PDK3: variants seen among roughly 807,000 people sequenced by gnomAD.
PDK3 encodes pyruvate dehydrogenase kinase, isozyme 3.
Under a neutral mutation model 32.0 loss-of-function variants are expected in PDK3, and 12 were observed. The ratio of observed to expected loss-of-function variants is 0.37; its 90% CI spans 0.24 to 0.61. The LOEUF (loss-of-function observed/expected upper bound fraction) is 0.61. Ranked by LOEUF, PDK3 falls within the 20% of genes least tolerant of loss-of-function variation. PDK3 has a pLI of 0.65. For synonymous variants in PDK3, 122 were observed against 116.3 expected, an observed-to-expected ratio of 1.05 and a Z score of -0.31; for missense variants, 188 against 316.9, an observed-to-expected ratio of 0.59 and a Z score of 3.09.
At position 24,498,870 on chromosome X, in the gene PDK3, A is replaced by T; in HGVS notation, c.290A>T (p.Lys97Met). 8.7e-7 allele frequency: 1 copy of T among 1,151,084 alleles called. No individual in the cohort carries two copies. Among genetic ancestry groups the T allele is most frequent in the African/African-American group, 1.8e-5 (1 of 55,153 alleles). 94.9% of individuals were successfully genotyped at this position (1,151,084 alleles called of 1,213,427 possible). Reference sequence around the variant, plus strand: ...CTTGAACTTTTAGAATATGAAAATAAGAGCCCTGAGGATCCACAGGTCTTG... The same window carrying T: ...CTTGAACTTTTAGAATATGAAAATATGAGCCCTGAGGATCCACAGGTCTTG... ...SFLELLEYEN[K>M]SPEDPQVLDN... The change falls in exon 3 of 11, where the codon AAG (lysine) becomes ATG (methionine). Residue 97 changes from lysine (K) to methionine (M), a missense_variant. Lys to Met is a moderately conservative substitution (Grantham distance 95, BLOSUM62 -1). Coordinates refer to ENST00000379162, the MANE Select transcript of PDK3 (RefSeq NM_005391.5).
chrX:24,476,225 C>T (rs984556097), intron 1 of PDK3, among the ~76,000 whole-genome samples: 5 of 109,416 alleles, frequency 4.6e-5, no homozygotes, highest in East Asian at 2.8e-4. Flanking sequence ...GAGTACAGTT[C>T]GTCCTCCATA....
chrX:24,529,351 A>G (rs761599111), intron 9 of PDK3, among the ~76,000 whole-genome samples: 16 of 111,969 alleles, frequency 1.4e-4, no homozygotes, highest in Admixed American at 2.8e-4. Context: ...CCCATTGTAT[A>G]GATGAGGAAA....
At chrX:24,529,046 A>G (rs1922585902) in intron 9 of PDK3, among the ~76,000 whole-genome samples, 1 of 112,510 alleles carries the variant, frequency 8.9e-6, no homozygotes, top group African/African-American at 3.2e-5. Context: ...GAGTTTGTTA[A>G]CTCAGCATGT....
At chrX:24,548,695 GT>G (rs1466622863) in exon 12 of PDK3, 1 of 112,063 alleles carries the variant, frequency 8.9e-6, no homozygotes, top group Non-Finnish European at 1.9e-5. Flanking sequence ...ACCACTTAAT[GT>G]TTTAAAATAT....
chrX:24,506,145 C>G (rs1275695336), intron 5 of PDK3, among the ~76,000 whole-genome samples: 1 of 111,818 alleles, frequency 8.9e-6, no homozygotes, highest in Non-Finnish European at 1.9e-5. Flanking sequence ...ATTCCTAAAC[C>G]CAGGGAGGAG....
At chrX:24,529,087 G>A (rs1922586824) in intron 9 of PDK3, among the ~76,000 whole-genome samples, 1 of 111,886 alleles carries the variant, frequency 8.9e-6, no homozygotes, top group African/African-American at 3.3e-5. Flanking sequence ...TATAGGAGTC[G>A]AGAAAATTCA....
intron 5 of PDK3, among the ~76,000 whole-genome samples, chrX:24,510,798 G>A (rs972207751): frequency 8.9e-5 from 10 of 111,981 alleles, no homozygotes; most frequent in African/African-American, 3.2e-4. Flanking sequence ...TTATTCTGCA[G>A]TGGGGGATTG....
At chrX:24,483,435 A>G (rs1921311959) in intron 1 of PDK3, among the ~76,000 whole-genome samples, 1 of 111,790 alleles carries the variant, frequency 8.9e-6, no homozygotes, top group South Asian at 3.7e-4. Context: ...TTTATTTGTG[A>G]CATCTGTTCT....
exon 12 of PDK3, among the ~76,000 whole-genome samples, chrX:24,542,115 A>G (rs771725893): frequency 1.5e-3 from 164 of 112,269 alleles, no homozygotes; most frequent in African/African-American, 5.1e-3. Context: ...AGTTCAAGTC[A>G]GGAGCTGTGA....
chrX:24,479,845 C>T (rs780757135), intron 1 of PDK3, among the ~76,000 whole-genome samples: 3 of 111,297 alleles, frequency 2.7e-5, no homozygotes, highest in Non-Finnish European at 5.7e-5. Context: ...TCAATAGATT[C>T]GACTAGCACT....
At chrX:24,539,474 G>C (rs1460807246) in exon 12 of PDK3, 11 of 234,904 alleles carry the variant, frequency 4.7e-5, no homozygotes, top group African/African-American at 2.8e-5. Context: ...CATAGCATCT[G>C]ATGTCTTCAG....
chrX:24,483,362 A>G (rs1389126192), intron 1 of PDK3, among the ~76,000 whole-genome samples: 1 of 112,007 alleles, frequency 8.9e-6, no homozygotes, highest in African/African-American at 3.2e-5. Context: ...TTAGGTTGAT[A>G]TGGATGCATG....
At chrX:24,500,214 C>T (rs947523299) in intron 3 of PDK3, among the ~76,000 whole-genome samples, 1 of 111,031 alleles carries the variant, frequency 9.0e-6, no homozygotes, top group African/African-American at 3.3e-5. Flanking sequence ...AACAATGCAA[C>T]AATAAGAAAT....
Position 24,488,426 on chromosome X carries a change from C to T in PDK3, c.107-6316C>T, listed in dbSNP as rs1186805633. On this transcript the variant is annotated intron_variant, in intron 1 of 10. Coordinates refer to ENST00000379162, the MANE Select transcript of PDK3 (RefSeq NM_005391.5). The stretch of plus-strand genomic sequence containing the variant: ...AACAGAGGCCAGGCGCAGTGGCTCA[C>T]GCCTGTAATCCTAGAACTTTGGGAA... Among the ~76,000 whole-genome samples the T allele has an allele frequency of 4.4e-5, 5 of 112,378 alleles. No homozygotes were observed. In the Admixed American group the frequency reaches 4.7e-4, roughly 11 times the overall value.
chrX:24,466,539 T>G (rs1940066492), intron 1 of PDK3, among the ~76,000 whole-genome samples: 1 of 111,684 alleles, frequency 9.0e-6, no homozygotes. Context: ...GTCAAGGGTG[T>G]CAGTGATAGT....
chrX:24,528,013 T>A, intron 8 of PDK3, 63 bp from the exon 9 acceptor site: 1 of 629,282 alleles, frequency 1.6e-6, no homozygotes, highest in Non-Finnish European at 2.7e-6. Flanking sequence ...AATGAACCCA[T>A]TGCCTCCTAC....
chrX:24,503,631 C>T (rs1232469717), intron 4 of PDK3, 120 bp downstream of exon 4: 4 of 498,847 alleles, frequency 8.0e-6, no homozygotes, highest in Non-Finnish European at 9.4e-6. Flanking sequence ...ATTTCTAGTT[C>T]GGTTTTTCCT....
chrX:24,517,043 G>C (rs1922272190), intron 5 of PDK3, among the ~76,000 whole-genome samples: 2 of 109,520 alleles, frequency 1.8e-5, no homozygotes, highest in Non-Finnish European at 3.8e-5. Context: ...TGATCCCCCT[G>C]CCTCGGCCTC....
At chrX:24,538,087 A>G (rs1922817823), downstream of PDK3, among the ~76,000 whole-genome samples, 1 of 112,577 alleles carries the variant, frequency 8.9e-6, no homozygotes, top group Non-Finnish European at 1.9e-5. Flanking sequence ...TAATTTGAGT[A>G]GTGCAGAAGC....
Sources: gnomAD v4.1 joint callset for allele counts (sites outside exome capture counted in the v4.1 genomes callset) on GRCh38, gnomAD v4.1.1 for gene constraint, MANE v1.5 for transcripts, NCBI Gene and HGNC (gene_info 2026-07-23, HGNC 2026-07-21) for gene names.